Variants in SPINK5 observed in about 807,000 individuals in gnomAD.
SPINK5 encodes serine peptidase inhibitor Kazal type 5, also known as serine protease inhibitor Kazal-type 5.
SPINK5 carries 125 observed loss-of-function variants against 151.8 expected under a neutral mutation model. The observed-to-expected ratio is 0.82, with a 90% CI of 0.71 to 0.96. SPINK5 has a LOEUF of 0.96. SPINK5 is among the 40% of genes least tolerant of loss of function. The pLI is 0.00. For missense variants in SPINK5, 1,194 were observed against 1,291.9 expected, an observed-to-expected ratio of 0.92 and a Z score of 1.16; for synonymous variants, 374 against 395.3, an observed-to-expected ratio of 0.95 and a Z score of 0.64.
rs150572318 is a variant in SPINK5 at position 148,086,085 on chromosome 5, C to T, written c.283-320C>T. On this transcript the variant is annotated intron_variant, in intron 4 of 32. Transcript: ENST00000256084. ...TTCATATCCGTAATCTACTGGGCCT[C>T]ACTACTACTCTGTGGAGAAGGCAGG... Among the ~76,000 whole-genome samples the T allele has an allele frequency of 1.2e-3, 184 of 151,926 alleles. 1 individual carries two copies. Among genetic ancestry groups the T allele is most frequent in the African/African-American group, 4.2e-3 (175 of 41,472 alleles).
chr5:148,102,186 T>TAG (rs1753665641), intron 15 of SPINK5, among the ~76,000 whole-genome samples: 1 of 152,058 alleles, frequency 6.6e-6, no homozygotes, highest in Non-Finnish European at 1.5e-5. Flanking sequence ...TAACTCATAG[T>TAG]AGAGAGTAGG....
At chr5:148,091,289 C>T in intron 8 of SPINK5, 61 bp downstream of exon 8, 1 of 1,367,358 alleles carries the variant, frequency 7.3e-7, no homozygotes, top group Non-Finnish European at 1.0e-6. Context: ...AAATGTATGC[C>T]TAAACCTTTG....
At chr5:148,100,402 G>A (rs1753605226) in intron 12 of SPINK5, 52 bp from the exon 13 acceptor site, 1 of 1,580,756 alleles carries the variant, frequency 6.3e-7, no homozygotes, top group Admixed American at 1.7e-5. Flanking sequence ...TGAACCTTCT[G>A]CTTTAAGTAG....
intron 4 of SPINK5, among the ~76,000 whole-genome samples, chr5:148,084,043 T>G (rs1243230871): frequency 6.6e-6 from 1 of 151,948 alleles, no homozygotes; most frequent in East Asian, 1.9e-4. Context: ...CATTTGTTTA[T>G]GCAGATATCT....
Position 148,133,883 on chromosome 5 carries a change from C to A in SPINK5, c.3182C>A (p.Pro1061Gln). Reference sequence around the variant, plus strand: ...GGAACCACCGCAGCCAGCATGCCCCCGTCTGTAAGTACATAAGTAGACTGG... The same window carrying A: ...GGAACCACCGCAGCCAGCATGCCCCAGTCTGTAAGTACATAAGTAGACTGG... ...TPGTTAASMP[P>Q]SDE is the part of the protein sequence containing the mutation. The change falls in exon 32 of 33, where the codon CCG becomes CAG. Residue 1061 changes from proline (P) to glutamine (Q), a missense_variant. By Grantham distance (76) the Pro-to-Gln change is moderately conservative. Coordinates refer to ENST00000256084, the MANE Select transcript of SPINK5 (RefSeq NM_006846.4). The A allele has an allele frequency of 6.2e-7, 1 of 1,613,834 alleles. No homozygotes were observed. The highest frequency in any genetic ancestry group is 8.5e-7 in the Non-Finnish European group (1 of 1,179,872).
intron 4 of SPINK5, among the ~76,000 whole-genome samples, chr5:148,075,457 ATATCT>A (rs1456430765): frequency 6.6e-6 from 1 of 151,578 alleles, no homozygotes; most frequent in Non-Finnish European, 1.5e-5. Flanking sequence ...TTGGATACTA[ATATCT>A]TAATTAGAAA....
chr5:148,091,048 A>G, intron 7 of SPINK5, 117 bp from the exon 8 acceptor site: 1 of 868,302 alleles, frequency 1.2e-6, no homozygotes, highest in Non-Finnish European at 1.9e-6. Flanking sequence ...TGTCTCTTGT[A>G]AGAGGATCAT....
At chr5:148,127,866 C>CCT (rs1581110619) in intron 30 of SPINK5, among the ~76,000 whole-genome samples, 1 of 151,972 alleles carries the variant, frequency 6.6e-6, no homozygotes, top group East Asian at 1.9e-4. Context: ...CTTCTCTCTT[C>CCT]CTCTCTCTCG....
chr5:148,127,029 C>T lies in SPINK5; in HGVS notation c.2914C>T (p.His972Tyr), dbSNP rs897710997. The change falls in exon 30 of 33, where the codon CAT becomes TAT. Residue 972 changes from histidine (H) to tyrosine (Y), a missense_variant. By Grantham distance (83) the His-to-Tyr change is moderately conservative. Coordinates refer to ENST00000256084, the MANE Select transcript of SPINK5 (RefSeq NM_006846.4). ...ERAKLQEKPS[H>Y]VRASQEEDSP... The stretch of plus-strand genomic sequence containing the variant: ...GGCAAAGCTTCAAGAAAAGCCATCC[C>T]ATGTTAGAGCTTCTCAAGAGGAAGA... 1 of 1,613,696 alleles carries T rather than the reference C, an allele frequency of 6.2e-7. No homozygotes were observed. The highest frequency in any genetic ancestry group is 8.5e-7 in the Non-Finnish European group (1 of 1,179,890).
intron 15 of SPINK5, among the ~76,000 whole-genome samples, chr5:148,104,078 A>G (rs1424088514): frequency 6.6e-6 from 1 of 152,202 alleles, no homozygotes; most frequent in Non-Finnish European, 1.5e-5. Flanking sequence ...TCAATCTCTT[A>G]TAACAATTAT....
At chr5:148,082,043 C>G (rs114950963) in intron 4 of SPINK5, among the ~76,000 whole-genome samples, 2,813 of 151,628 alleles carry the variant, frequency 0.019, 74 homozygotes, top group African/African-American at 0.065. Flanking sequence ...TATTAGCATA[C>G]TGATACTGAT....
rs1753847242 is a variant in SPINK5, at chr5:148,108,827, A to G, written c.1682A>G (p.Glu561Gly). Residue 561 changes from glutamate to glycine, a missense_variant, in exon 18 of 33, where the codon GAA (glutamate) becomes GGA (glycine). By Grantham distance (98) the Glu-to-Gly change is moderately conservative (BLOSUM62 -2). Transcript: ENST00000256084. ...GKVEAEKVKREAVQELCSEYR... is the reference protein window; with the variant it reads ...GKVEAEKVKRGAVQELCSEYR... ...GTCGAGGCTGAAAAAGTTAAGAGAGAAGCAGTTCAGGTAGTTGTTTGAGAT... is the reference window on the plus strand; with the variant it reads ...GTCGAGGCTGAAAAAGTTAAGAGAGGAGCAGTTCAGGTAGTTGTTTGAGAT... The G allele has an allele frequency of 3.1e-6, 5 of 1,612,368 alleles. No individual in the cohort carries two copies. Among genetic ancestry groups the G allele is most frequent in the East Asian group, 2.2e-5 (1 of 44,770 alleles).
intron 23 of SPINK5, among the ~76,000 whole-genome samples, chr5:148,118,773 A>G (rs953575591): frequency 6.6e-6 from 1 of 152,126 alleles, no homozygotes; most frequent in African/African-American, 2.4e-5. Context: ...TGTATTTTCT[A>G]TTACAATTCT....
In SPINK5 at chr5:148,114,359, T is replaced by C. The variant is rs774000151; in HGVS notation, c.1888-3T>C. 35 of 1,612,100 alleles carry C rather than the reference T, an allele frequency of 2.2e-5. No individual in the cohort carries two copies. The highest frequency in any genetic ancestry group is 2.9e-5 in the Non-Finnish European group (34 of 1,178,990). The stretch of plus-strand genomic sequence containing the variant: ...AAGCTTTCTCCTTTTCTTTTCCTTT[T>C]AGGAGACATGCGATGAATTTCGGAG... On this transcript the variant is annotated splice_region_variant and splice_polypyrimidine_tract_variant and intron_variant, in intron 20 of 32. Coordinates refer to ENST00000256084, the MANE Select transcript of SPINK5 (RefSeq NM_006846.4).
At chr5:148,089,452 T>G in intron 6 of SPINK5, 42 bp from the exon 7 acceptor site, 1 of 1,610,968 alleles carries the variant, frequency 6.2e-7, no homozygotes, top group Non-Finnish European at 8.5e-7. Context: ...TTGTCAGCAT[T>G]ACAATCTTGG....
At chr5:148,099,972 A>T (rs1427077583) in intron 12 of SPINK5, among the ~76,000 whole-genome samples, 1 of 152,124 alleles carries the variant, frequency 6.6e-6, no homozygotes. Context: ...CATTCAGAAA[A>T]TCATGCTCTG....
Position 148,101,287 on chromosome 5 carries a change from T to C in SPINK5, c.1221-68T>C, listed in dbSNP as rs1267714234. 3 of 1,134,434 alleles carry C rather than the reference T, an allele frequency of 2.6e-6. No individual in the cohort carries two copies. In the Admixed American group the frequency reaches 5.3e-5, roughly 20 times the overall value. 70.3% of individuals were successfully genotyped at this position (1,134,434 alleles called of 1,614,324 possible). A position where few individuals can be genotyped will look rare whatever the true frequency, so the allele number is the denominator to read the frequency against. Reference sequence around the variant, plus strand: ...TTGTTAAGTGTAAAATTAAATTATATTTGAGATCACTTCTAATGTGGCGAT... The same window carrying C: ...TTGTTAAGTGTAAAATTAAATTATACTTGAGATCACTTCTAATGTGGCGAT... On this transcript the variant is annotated intron_variant, in intron 13 of 32. Coordinates refer to ENST00000256084, the MANE Select transcript of SPINK5 (RefSeq NM_006846.4).
At chr5:148,091,140 A>G (rs1561683028) in intron 7 of SPINK5, 25 bp from the exon 8 acceptor site, 35 of 1,598,998 alleles carry the variant, frequency 2.2e-5, no homozygotes, top group Non-Finnish European at 3.0e-5. Context: ...TCATAAACTG[A>G]CCAACTGTTT....
chr5:148,101,218 T>C (rs1181852751), intron 13 of SPINK5, 137 bp from the exon 14 acceptor site: 1 of 692,742 alleles, frequency 1.4e-6, no homozygotes, highest in East Asian at 2.7e-5. Flanking sequence ...GATTTCACAG[T>C]GTAAGCACAG....
Sources: allele counts gnomAD v4.1 joint callset (sites outside exome capture counted in the v4.1 genomes callset), GRCh38; gene constraint gnomAD v4.1.1; transcripts MANE v1.5; gene names NCBI Gene and HGNC (gene_info 2026-07-23, HGNC 2026-07-21).